The following ELMO1 variants were observed in gnomAD, a reference collection of about 807,000 sequenced individuals.
The protein encoded by ELMO1 is engulfment and cell motility 1.
A neutral mutation model predicts 98.9 loss-of-function variants in ELMO1; 26 were observed. The ratio of observed to expected loss-of-function variants is 0.26; its 90% confidence interval spans 0.19 to 0.36. ELMO1 has a LOEUF of 0.36. ELMO1 is among the 10% of genes least tolerant of loss of function. The pLI, the probability that ELMO1 is intolerant of heterozygous loss-of-function variation, is 1.00. For synonymous variants in ELMO1, 346 were observed against 346.0 expected (o/e 1.00, Z 0.00); for missense variants, 627 against 935.2 (o/e 0.67, Z 4.30).
intron 4 of ELMO1, among the ~76,000 whole-genome samples, chr7:37,311,435 A>T (rs1015508591): frequency 6.6e-6 from 1 of 152,192 alleles, no homozygotes; most frequent in Non-Finnish European, 1.5e-5. Context: ...AGCATGCACA[A>T]GTTTCAAAAA....
chr7:36,860,687 C>A (rs1298762609), intron 21 of ELMO1, among the ~76,000 whole-genome samples: 1 of 152,088 alleles, frequency 6.6e-6, no homozygotes, highest in Non-Finnish European at 1.5e-5. Context: ...TATTTAAAAA[C>A]AGAAACAGTA....
At chr7:36,885,668 C>T (rs73689675) in intron 18 of ELMO1, among the ~76,000 whole-genome samples, 4,091 of 152,232 alleles carry the variant, frequency 0.027, 102 homozygotes, top group African/African-American at 0.056. Context: ...GGCATACAAC[C>T]GACTCTCTGA....
intron 16 of ELMO1, among the ~76,000 whole-genome samples, chr7:36,898,919 C>T (rs1457690874): frequency 6.6e-6 from 1 of 152,192 alleles, no homozygotes; most frequent in Non-Finnish European, 1.5e-5. Context: ...CAGGTGTTCA[C>T]TCCATGAACA....
At chr7:37,352,336 AAGG>A (rs1801308988) in intron 1 of ELMO1, among the ~76,000 whole-genome samples, 1 of 152,174 alleles carries the variant, frequency 6.6e-6, no homozygotes. Context: ...CCTGAGCTCA[AAGG>A]ATACTTCTTG....
At chr7:37,440,742 C>T (rs1805380104) in intron 1 of ELMO1, among the ~76,000 whole-genome samples, 1 of 148,886 alleles carries the variant, frequency 6.7e-6, no homozygotes, top group Admixed American at 6.8e-5. Context: ...ACACTCCAGC[C>T]TGGGTGACAG....
intron 18 of ELMO1, among the ~76,000 whole-genome samples, chr7:36,887,340 A>G (rs1218888480): frequency 6.6e-6 from 1 of 152,228 alleles, no homozygotes; most frequent in Non-Finnish European, 1.5e-5. Flanking sequence ...GGCACTAAAT[A>G]GCAAAGAATG....
intron 5 of ELMO1, among the ~76,000 whole-genome samples, chr7:37,267,216 T>G (rs1366108245): frequency 6.6e-6 from 1 of 152,096 alleles, no homozygotes; most frequent in African/African-American, 2.4e-5. Flanking sequence ...TCCACATACA[T>G]AACAGGCATC....
intron 15 of ELMO1, among the ~76,000 whole-genome samples, chr7:37,090,849 C>A (rs1784043690): frequency 6.6e-6 from 1 of 152,072 alleles, no homozygotes; most frequent in African/African-American, 2.4e-5. Context: ...TGTGAAGGAC[C>A]CTCCAGTTAG....
chr7:37,397,344 G>C (rs1333665738), intron 1 of ELMO1, among the ~76,000 whole-genome samples: 2 of 152,184 alleles, frequency 1.3e-5, no homozygotes, highest in African/African-American at 4.8e-5. Context: ...TCAAAGGTTT[G>C]ACAGAAAATT....
chr7:37,062,334 G>A (rs1796709506), intron 15 of ELMO1, among the ~76,000 whole-genome samples: 1 of 152,140 alleles, frequency 6.6e-6, no homozygotes, highest in African/African-American at 2.4e-5. Flanking sequence ...AGTACATAAA[G>A]CCATGTTAAG....
intron 6 of ELMO1, among the ~76,000 whole-genome samples, chr7:37,248,379 C>T (rs1329346259): frequency 6.6e-6 from 1 of 151,920 alleles, no homozygotes; most frequent in Non-Finnish European, 1.5e-5. Flanking sequence ...GCTGTGTGAC[C>T]CTTTCTCATT....
chr7:37,297,990 G>A (rs1038908621), intron 4 of ELMO1, among the ~76,000 whole-genome samples: 19 of 152,052 alleles, frequency 1.2e-4, no homozygotes, highest in African/African-American at 4.3e-4. Flanking sequence ...TAAGTAATAG[G>A]ATTTTGATCT....
intron 14 of ELMO1, among the ~76,000 whole-genome samples, chr7:37,124,469 C>A (rs537610578): frequency 6.6e-6 from 1 of 152,296 alleles, no homozygotes; most frequent in African/African-American, 2.4e-5. Flanking sequence ...GCAAAAATCA[C>A]AAGCACTCTT....
intron 1 of ELMO1, among the ~76,000 whole-genome samples, chr7:37,409,981 T>C (rs553927171): frequency 1.3e-5 from 2 of 152,322 alleles, no homozygotes; most frequent in African/African-American, 4.8e-5. Flanking sequence ...AACTGAATCT[T>C]GAAAAGGTAA....
At chr7:37,378,932 T>C (rs1046716223) in intron 1 of ELMO1, among the ~76,000 whole-genome samples, 3 of 152,180 alleles carry the variant, frequency 2.0e-5, no homozygotes, top group African/African-American at 7.2e-5. Context: ...TCCAATTCCA[T>C]ACACTCCAGA....
At chr7:37,139,111 C>T (rs972361319) in intron 13 of ELMO1, among the ~76,000 whole-genome samples, 4 of 152,154 alleles carry the variant, frequency 2.6e-5, no homozygotes, top group African/African-American at 9.6e-5. Context: ...AACTCACCAT[C>T]AACATTCTAC....
chr7:37,347,166 A>G (rs889876770), intron 1 of ELMO1, among the ~76,000 whole-genome samples: 6 of 152,234 alleles, frequency 3.9e-5, no homozygotes, highest in African/African-American at 1.4e-4. Flanking sequence ...TATCCTCAGA[A>G]GTCCAGACTT....
At chr7:36,869,481 T>C (rs1255270681) in intron 20 of ELMO1, among the ~76,000 whole-genome samples, 1 of 152,184 alleles carries the variant, frequency 6.6e-6, no homozygotes, top group Non-Finnish European at 1.5e-5. Flanking sequence ...GGTAAATAGA[T>C]TGTGTATCAT....
chr7:36,949,273 C>T (rs1408441395), intron 16 of ELMO1, among the ~76,000 whole-genome samples: 1 of 152,240 alleles, frequency 6.6e-6, no homozygotes, highest in Non-Finnish European at 1.5e-5. Flanking sequence ...GGCACCACTT[C>T]TTATTCCACT....
Sources: allele counts gnomAD v4.1 joint callset (sites outside exome capture counted in the v4.1 genomes callset), GRCh38; gene constraint gnomAD v4.1.1; transcripts MANE v1.5; gene names NCBI Gene and HGNC (gene_info 2026-07-23, HGNC 2026-07-21).